Variants in CDH8 observed in about 807,000 individuals in gnomAD.
CDH8 encodes the protein cadherin 8.
A neutral mutation model predicts 68.1 loss-of-function variants in CDH8; 17 were observed. The ratio of observed to expected loss-of-function variants is 0.25; its 90% confidence interval spans 0.17 to 0.37. The LOEUF is 0.37. Among genes scored for constraint, CDH8 ranks in the 10% least tolerant of loss-of-function variants. The pLI, the probability that CDH8 is intolerant of heterozygous loss-of-function variation, is 1.00. For synonymous variants in CDH8, 372 were observed against 365.1 expected (o/e 1.02, Z -0.21); for missense variants, 763 against 999.3 (o/e 0.76, Z 3.19).
At chr16:61,765,490 G>C (rs1007467812) in intron 8 of CDH8, among the ~76,000 whole-genome samples, 14 of 151,952 alleles carry the variant, frequency 9.2e-5, no homozygotes, top group African/African-American at 3.1e-4. Flanking sequence ...TTGTGTCTGG[G>C]TAAAATGCCA....
At chr16:61,732,911 A>G (rs980460203) in intron 8 of CDH8, among the ~76,000 whole-genome samples, 1 of 151,854 alleles carries the variant, frequency 6.6e-6, no homozygotes, top group African/African-American at 2.4e-5. Flanking sequence ...CTGGGCTAAG[A>G]AAATGAATTT....
At chr16:61,922,784 G>T (rs934062369) in intron 2 of CDH8, among the ~76,000 whole-genome samples, 13 of 152,006 alleles carry the variant, frequency 8.6e-5, no homozygotes, top group Non-Finnish European at 1.5e-5. Flanking sequence ...TAAAATCCAG[G>T]CAATGATATA....
intron 3 of CDH8, among the ~76,000 whole-genome samples, chr16:61,863,460 T>C (rs1449794046): frequency 1.3e-5 from 2 of 152,158 alleles, no homozygotes; most frequent in Non-Finnish European, 2.9e-5. Flanking sequence ...GTTTGGGTAG[T>C]GCAGCTGTGT....
intron 1 of CDH8, among the ~76,000 whole-genome samples, chr16:62,034,755 C>T (rs563324987): frequency 9.2e-4 from 140 of 152,260 alleles, no homozygotes; most frequent in African/African-American, 3.2e-3. Context: ...GTTGAAAGGA[C>T]CTTTCCTCCC....
intron 2 of CDH8, among the ~76,000 whole-genome samples, chr16:61,906,415 C>A (rs1325218657): frequency 6.6e-6 from 1 of 152,168 alleles, no homozygotes; most frequent in East Asian, 1.9e-4. Context: ...GTTGGAGAAG[C>A]AGAGAGTATC....
chr16:61,917,685 C>A (rs545609719), intron 2 of CDH8, among the ~76,000 whole-genome samples: 58 of 152,266 alleles, frequency 3.8e-4, no homozygotes, highest in African/African-American at 1.3e-3. Flanking sequence ...CAGACTCAGG[C>A]AAGGAGTAAA....
chr16:61,966,568 A>G (rs964501309), intron 2 of CDH8, among the ~76,000 whole-genome samples: 3 of 152,110 alleles, frequency 2.0e-5, no homozygotes, highest in African/African-American at 7.2e-5. Context: ...GAAAAGAATG[A>G]AAAGAATGTG....
rs955871333 is a variant in CDH8, at chr16:61,813,677, T to G, written c.1277+3802A>C. ...GCATGACTCTTATCTTGCTTTGCTG[T>G]TTTTTTTTCCCTTTTTGCCCAATAA... On this transcript the variant is annotated intron_variant, in intron 7 of 11. Coordinates refer to ENST00000577390, the MANE Select transcript of CDH8 (RefSeq NM_001796.5). 3.3e-5 allele frequency among the ~76,000 whole-genome samples: 5 copies of G among 150,760 alleles called. No homozygotes were observed. In the South Asian group the frequency reaches 6.3e-4, roughly 19 times the overall value.
intron 3 of CDH8, 192 bp downstream of exon 3, chr16:61,900,987 C>T: frequency 1.8e-6 from 1 of 550,830 alleles, no homozygotes; most frequent in Non-Finnish European, 3.2e-6. Context: ...AATTGCTCTT[C>T]CATCAGTTCC....
At position 61,770,080 on chromosome 16, in the gene CDH8, G is replaced by A. The variant is rs182290840; in HGVS notation, c.1414+19266C>T. On this transcript the variant is annotated intron_variant, in intron 8 of 11. Transcript: ENST00000577390. ...AAACCTCCCTTTATTACATCTATGG[G>A]CTTTTCCTTGTGTCCCGGCTTTCCT... Among the ~76,000 whole-genome samples, 46 of 151,822 alleles carry A rather than the reference G, an allele frequency of 3.0e-4. No homozygotes were observed. In the East Asian group the frequency reaches 8.6e-3, roughly 28 times the overall value.
At chr16:61,985,913 CTTTACTT>C (rs1965617170) in intron 2 of CDH8, among the ~76,000 whole-genome samples, 1 of 134,396 alleles carries the variant, frequency 7.4e-6, no homozygotes, top group Non-Finnish European at 1.6e-5. Flanking sequence ...CTTTTCCTTT[CTTTACTT>C]TTTTTTTTTT....
chr16:61,800,239 T>G (rs1257876451), intron 7 of CDH8, among the ~76,000 whole-genome samples: 2 of 152,212 alleles, frequency 1.3e-5, no homozygotes, highest in Non-Finnish European at 2.9e-5. Flanking sequence ...ATGTAATTCA[T>G]TCTGGGGACA....
At chr16:61,856,075 T>C (rs938385694) in intron 4 of CDH8, among the ~76,000 whole-genome samples, 4 of 152,074 alleles carry the variant, frequency 2.6e-5, no homozygotes, top group African/African-American at 9.7e-5. Flanking sequence ...ACCCTTTGAA[T>C]TTAAAAGAAA....
At chr16:61,661,935 T>C (rs1963565969) in intron 10 of CDH8, among the ~76,000 whole-genome samples, 1 of 151,788 alleles carries the variant, frequency 6.6e-6, no homozygotes, top group East Asian at 1.9e-4. Flanking sequence ...GAAGTTATAG[T>C]AGGCACCTTT....
chr16:61,890,178 T>C (rs1365010253), intron 3 of CDH8, among the ~76,000 whole-genome samples: 3 of 152,088 alleles, frequency 2.0e-5, no homozygotes, highest in African/African-American at 4.8e-5. Flanking sequence ...TGTGAGTGAG[T>C]AGAAAATGTA....
At chr16:61,794,799 C>A (rs1490816321) in intron 7 of CDH8, among the ~76,000 whole-genome samples, 1 of 151,958 alleles carries the variant, frequency 6.6e-6, no homozygotes, top group Non-Finnish European at 1.5e-5. Flanking sequence ...TTGAACTGAT[C>A]ATTGAAGATT....
intron 8 of CDH8, among the ~76,000 whole-genome samples, chr16:61,762,019 A>G (rs547492959): frequency 6.6e-6 from 1 of 152,236 alleles, no homozygotes; most frequent in South Asian, 2.1e-4. Flanking sequence ...AGTAAAAAGA[A>G]AAGGATAAAA....
intron 4 of CDH8, among the ~76,000 whole-genome samples, chr16:61,825,790 G>A (rs1423573473): frequency 1.3e-5 from 2 of 151,742 alleles, no homozygotes; most frequent in Non-Finnish European, 2.9e-5. Flanking sequence ...TGTAAAAGTA[G>A]CAAATAGTTT....
At chr16:62,027,852 C>T (rs1902230796) in intron 1 of CDH8, among the ~76,000 whole-genome samples, 1 of 152,070 alleles carries the variant, frequency 6.6e-6, no homozygotes, top group East Asian at 1.9e-4. Flanking sequence ...ACCAGATTCC[C>T]TTGGCAGAAA....
Sources: gnomAD v4.1 joint callset for allele counts (sites outside exome capture counted in the v4.1 genomes callset) on GRCh38, gnomAD v4.1.1 for gene constraint, MANE v1.5 for transcripts, NCBI Gene and HGNC (gene_info 2026-07-23, HGNC 2026-07-21) for gene names.